The following SPHKAP variants were observed in gnomAD, a reference collection of about 807,000 sequenced individuals.
SPHKAP encodes the protein A-kinase anchor protein SPHKAP.
A neutral mutation model predicts 137.5 loss-of-function variants in SPHKAP; 67 were observed. The ratio of observed to expected loss-of-function variants is 0.49; its 90% CI spans 0.40 to 0.60. SPHKAP has a LOEUF of 0.60. Among genes scored for constraint, SPHKAP ranks in the 20% least tolerant of loss-of-function variants. The probability of loss-of-function intolerance (pLI) is 0.00; values close to 1 mark genes in which losing one functional copy is unlikely to be tolerated. For synonymous variants in SPHKAP, 813 were observed against 785.3 expected (o/e 1.04, Z -0.59); for missense variants, 2,097 against 2,069.3 (o/e 1.01, Z -0.26).
At chr2:228,025,563 T>G in intron 4 of SPHKAP, 35 bp from the exon 5 acceptor site, 2 of 1,610,114 alleles carry the variant, frequency 1.2e-6, no homozygotes, top group Non-Finnish European at 1.7e-6. Flanking sequence ...TTTAGCTGAT[T>G]TCTTTTCACC....
At chr2:228,069,445 C>CTTTTTTTT (rs1250162411) in intron 3 of SPHKAP, among the ~76,000 whole-genome samples, 17 of 81,486 alleles carry the variant, frequency 2.1e-4, no homozygotes, top group African/African-American at 7.5e-4. Context: ...TTCTTTCTTT[C>CTTTTTTTT]TTTCTTTTTT....
chr2:228,074,770 G>A (rs1282882827), intron 3 of SPHKAP, among the ~76,000 whole-genome samples: 1 of 151,834 alleles, frequency 6.6e-6, no homozygotes, highest in Non-Finnish European at 1.5e-5. Context: ...CTTCCCTTCT[G>A]CCCTCCTTCC....
At chr2:228,107,036 A>C (rs903611664) in intron 3 of SPHKAP, among the ~76,000 whole-genome samples, 2 of 151,764 alleles carry the variant, frequency 1.3e-5, no homozygotes, top group African/African-American at 4.8e-5. Flanking sequence ...GGCTAAATTG[A>C]ACTAATGAAC....
chr2:228,022,329 C>G (rs923190154), intron 5 of SPHKAP: 1 of 277,698 alleles, frequency 3.6e-6, no homozygotes, highest in African/African-American at 2.3e-5. Flanking sequence ...CACAACTCCA[C>G]TGAAACAAAA....
intron 3 of SPHKAP, among the ~76,000 whole-genome samples, chr2:228,062,742 C>A (rs181613039): frequency 5.9e-5 from 9 of 152,118 alleles, no homozygotes; most frequent in Admixed American, 4.6e-4. Context: ...AAAACAAAAT[C>A]ATAATATTAG....
At chr2:228,174,719 A>G (rs1416950836) in intron 1 of SPHKAP, among the ~76,000 whole-genome samples, 2 of 152,222 alleles carry the variant, frequency 1.3e-5, no homozygotes, top group East Asian at 3.8e-4. Context: ...AGCAACCAAC[A>G]GAACCAGACC....
At chr2:227,983,436 G>T (rs1463935095) in intron 11 of SPHKAP, among the ~76,000 whole-genome samples, 1 of 152,142 alleles carries the variant, frequency 6.6e-6, no homozygotes, top group African/African-American at 2.4e-5. Flanking sequence ...AGAGTGTTAG[G>T]ATGTTGTGAA....
intron 1 of SPHKAP, 151 bp from the exon 2 acceptor site, chr2:228,132,236 T>A (rs1179683730): frequency 4.2e-6 from 3 of 716,862 alleles, no homozygotes; most frequent in African/African-American, 3.5e-5. Flanking sequence ...AATGGACATT[T>A]CTTTGTTGCA....
intron 2 of SPHKAP, among the ~76,000 whole-genome samples, chr2:228,118,179 C>T (rs1419723958): frequency 1.3e-5 from 2 of 149,852 alleles, no homozygotes; most frequent in Non-Finnish European, 3.0e-5. Flanking sequence ...TTATCATATG[C>T]ATGAGTAGTC....
rs139220785 is a variant in SPHKAP at position 228,148,638 on chromosome 2, A to G, written c.33-16553T>C. On this transcript the variant is annotated intron_variant, in intron 1 of 11. Transcript: ENST00000392056. ...TTGGCTTTATAATCCCCTGGACCCC[A>G]CACCCCACAACCAACCTGGATTCCT... is the stretch of plus-strand genomic sequence containing the variant. Among the ~76,000 whole-genome samples the G allele has an allele frequency of 6.8e-4, 104 of 152,138 alleles. No individual in the cohort carries two copies. In the East Asian group the frequency reaches 0.017, roughly 25 times the overall value.
chr2:228,036,041 TTAAAC>T (rs1186459606), intron 3 of SPHKAP, among the ~76,000 whole-genome samples: 7 of 150,592 alleles, frequency 4.6e-5, no homozygotes, highest in Non-Finnish European at 7.4e-5. Context: ...GGGGATCTAA[TTAAAC>T]TAAAGAGCTT....
intron 1 of SPHKAP, among the ~76,000 whole-genome samples, chr2:228,177,118 AT>A (rs1315285905): frequency 6.6e-6 from 1 of 151,862 alleles, no homozygotes; most frequent in Non-Finnish European, 1.5e-5. Flanking sequence ...GTAAGGACCC[AT>A]TTACAAGATC....
intron 5 of SPHKAP, among the ~76,000 whole-genome samples, chr2:228,025,134 ACTCTATCTG>A (rs1273101668): frequency 3.3e-5 from 5 of 152,330 alleles, no homozygotes; most frequent in African/African-American, 1.2e-4. Context: ...ACCAATGCCT[ACTCTATCTG>A]CTCTAGTTCA....
Position 228,054,755 on chromosome 2 carries a change from A to C in SPHKAP, c.247-27212T>G, listed in dbSNP as rs74809270. On this transcript the variant is annotated intron_variant, in intron 3 of 11. Coordinates refer to ENST00000392056, the MANE Select transcript of SPHKAP (RefSeq NM_001142644.2). Reference sequence around the variant, plus strand: ...GAAAAGCAAATGGAGGCTTTGAACTATTAAATGTCTTGCCCAAGACTCATT... The same window carrying C: ...GAAAAGCAAATGGAGGCTTTGAACTCTTAAATGTCTTGCCCAAGACTCATT... Among the ~76,000 whole-genome samples, 394 of 152,248 alleles carry C rather than the reference A, an allele frequency of 2.6e-3. 1 individual carries two copies. The highest frequency in any genetic ancestry group is 9.0e-3 in the African/African-American group (372 of 41,550).
chr2:228,104,378 T>C (rs943736618), intron 3 of SPHKAP, among the ~76,000 whole-genome samples: 8 of 142,480 alleles, frequency 5.6e-5, no homozygotes, highest in Non-Finnish European at 9.0e-5. Flanking sequence ...ATCATTATAT[T>C]ATATTATTAT....
At chr2:228,122,117 C>T (rs1698926647) in intron 2 of SPHKAP, among the ~76,000 whole-genome samples, 1 of 151,910 alleles carries the variant, frequency 6.6e-6, no homozygotes, top group Non-Finnish European at 1.5e-5. Flanking sequence ...TCAATGTAAA[C>T]TTGTTGTGTT....
intron 1 of SPHKAP, among the ~76,000 whole-genome samples, chr2:228,179,122 ATT>A (rs1700824635): frequency 6.6e-6 from 1 of 152,182 alleles, no homozygotes; most frequent in African/African-American, 2.4e-5. Context: ...TTATTAAATC[ATT>A]TTGTTTTCTC....
intron 1 of SPHKAP, among the ~76,000 whole-genome samples, chr2:228,156,007 A>G (rs575258253): frequency 6.6e-6 from 1 of 152,330 alleles, no homozygotes; most frequent in South Asian, 2.1e-4. Flanking sequence ...AATGTGTCCT[A>G]TATAGAAGAG....
In SPHKAP at chr2:228,181,542, G is replaced by C; in HGVS notation, c.32+25C>G. 6.2e-7 allele frequency: 1 copy of C among 1,614,204 alleles called. No individual in the cohort carries two copies. Among genetic ancestry groups the C allele is most frequent in the Non-Finnish European group, 8.5e-7 (1 of 1,180,020 alleles). ...AACGGAGTTTGATCGACATGGTATTGGGCATAGAAAGAAGCGGGTCTTACC... is the reference window on the plus strand; with the variant it reads ...AACGGAGTTTGATCGACATGGTATTCGGCATAGAAAGAAGCGGGTCTTACC... On this transcript the variant is annotated intron_variant, in intron 1 of 11. Transcript: ENST00000392056. The surrounding 1 kb of genome is among the most constrained non-coding windows in gnomAD (Gnocchi z 4.3).
Sources: gnomAD v4.1 joint callset for allele counts (sites outside exome capture counted in the v4.1 genomes callset) on GRCh38, gnomAD v4.1.1 for gene constraint, Gnocchi (gnomAD v3.1) non-coding constraint, MANE v1.5 for transcripts, NCBI Gene and HGNC (gene_info 2026-07-23, HGNC 2026-07-21) for gene names.